The following FBXO10 variants were observed in gnomAD, a reference collection of about 807,000 sequenced individuals.
FBXO10 encodes the protein F-box only protein 10.
A neutral mutation model predicts 80.7 loss-of-function variants in FBXO10; 39 were observed. That is an observed-to-expected ratio of 0.48 (90% CI 0.37 to 0.63). The LOEUF is 0.63. FBXO10 is among the 30% of genes least tolerant of loss of function. FBXO10 has a pLI of 0.00. For missense variants in FBXO10, 1,025 were observed against 1,269.0 expected, an observed-to-expected ratio of 0.81 and a Z score of 2.92; for synonymous variants, 449 against 489.6, an observed-to-expected ratio of 0.92 and a Z score of 1.09.
Position 37,520,171 on chromosome 9 carries a change from C to T in FBXO10, c.2200+1398G>A, listed in dbSNP as rs147216730. On this transcript the variant is annotated intron_variant, in intron 8 of 10. Transcript: ENST00000432825. ...TCTGAATAAGCCTTCCTCCATTTCCCGACCCACCCATCCATCCTACCCTCC... is the reference window on the plus strand; with the variant it reads ...TCTGAATAAGCCTTCCTCCATTTCCTGACCCACCCATCCATCCTACCCTCC... Among the ~76,000 whole-genome samples the T allele has an allele frequency of 7.1e-3, 1,078 of 151,570 alleles. 11 individuals are homozygous for T. Among genetic ancestry groups the T allele is most frequent in the Middle Eastern group, 0.017 (5 of 292 alleles).
At chr9:37,573,500 T>C (rs1442039450) in intron 1 of FBXO10, among the ~76,000 whole-genome samples, 1 of 152,190 alleles carries the variant, frequency 6.6e-6, no homozygotes, top group African/African-American at 2.4e-5. Flanking sequence ...GTGGACTGTG[T>C]AGGACAGCTC....
intron 1 of FBXO10, among the ~76,000 whole-genome samples, chr9:37,550,473 C>T (rs534484295): frequency 1.4e-5 from 2 of 147,928 alleles, no homozygotes; most frequent in East Asian, 4.0e-4. Flanking sequence ...GCATGAGCCA[C>T]TGCACCTGGC....
intron 1 of FBXO10, among the ~76,000 whole-genome samples, chr9:37,560,061 C>G (rs1290602069): frequency 6.6e-6 from 1 of 152,174 alleles, no homozygotes; most frequent in Non-Finnish European, 1.5e-5. Flanking sequence ...GCTCGACCCT[C>G]TTTCACAAGT....
At chr9:37,554,157 G>A (rs1365760331) in intron 1 of FBXO10, among the ~76,000 whole-genome samples, 1 of 152,016 alleles carries the variant, frequency 6.6e-6, no homozygotes, top group Non-Finnish European at 1.5e-5. Flanking sequence ...CAGTAAAGAC[G>A]GTGAACAGTT....
At chr9:37,544,776 C>T (rs556946135) in intron 1 of FBXO10, among the ~76,000 whole-genome samples, 2 of 152,010 alleles carry the variant, frequency 1.3e-5, no homozygotes, top group South Asian at 2.1e-4. Context: ...GGGCGGATCA[C>T]GAGGTCAGGA....
At chr9:37,564,540 C>T (rs1822559025) in intron 1 of FBXO10, among the ~76,000 whole-genome samples, 1 of 152,236 alleles carries the variant, frequency 6.6e-6, no homozygotes, top group Non-Finnish European at 1.5e-5. Context: ...TCCTGCAAAG[C>T]CACAGGGGTG....
chr9:37,524,157 G>A (rs542625886), intron 6 of FBXO10, among the ~76,000 whole-genome samples: 1 of 152,250 alleles, frequency 6.6e-6, no homozygotes, highest in East Asian at 1.9e-4. Context: ...GCCCTACACG[G>A]AAGGTTCTTT....
chr9:37,545,035 G>C (rs1822021948), intron 1 of FBXO10, among the ~76,000 whole-genome samples: 1 of 150,632 alleles, frequency 6.6e-6, no homozygotes, highest in Non-Finnish European at 1.5e-5. Flanking sequence ...CTGGGCTCTG[G>C]ACTGTTAAGC....
At chr9:37,557,338 C>T (rs1042968182) in intron 1 of FBXO10, among the ~76,000 whole-genome samples, 3 of 152,200 alleles carry the variant, frequency 2.0e-5, no homozygotes, top group African/African-American at 4.8e-5. Context: ...TGAGCCTTAC[C>T]CCAGACCTCT....
intron 8 of FBXO10, 136 bp from the exon 9 acceptor site, chr9:37,518,574 A>G: frequency 1.4e-6 from 1 of 711,574 alleles, no homozygotes; most frequent in South Asian, 2.1e-5. Flanking sequence ...CTCAGAAACA[A>G]CCCTTGAGTT....
intron 1 of FBXO10, among the ~76,000 whole-genome samples, chr9:37,554,567 C>T (rs1025535010): frequency 3.9e-5 from 6 of 152,120 alleles, no homozygotes; most frequent in Non-Finnish European, 8.8e-5. Context: ...CAAGTTCCAC[C>T]CCCGACCCCA....
intron 6 of FBXO10, 26 bp from the exon 7 acceptor site, chr9:37,523,003 T>C (rs751384570): frequency 2.3e-5 from 37 of 1,578,230 alleles, no homozygotes; most frequent in Middle Eastern, 3.3e-4. Flanking sequence ...GAAAAGAAGG[T>C]CAGTACCCAA....
chr9:37,565,827 T>A (rs528435131), intron 1 of FBXO10, among the ~76,000 whole-genome samples: 14 of 152,126 alleles, frequency 9.2e-5, no homozygotes, highest in African/African-American at 3.1e-4. Flanking sequence ...GACTCTGAAA[T>A]TTGCATAGGA....
intron 7 of FBXO10, 36 bp downstream of exon 7, chr9:37,522,789 C>T: frequency 6.5e-7 from 1 of 1,550,006 alleles, no homozygotes; most frequent in East Asian, 2.4e-5. Context: ...CCTGGGCTTC[C>T]TGCCTCCCCG....
At chr9:37,558,394 G>A (rs778473339) in intron 1 of FBXO10, among the ~76,000 whole-genome samples, 3 of 152,080 alleles carry the variant, frequency 2.0e-5, no homozygotes, top group Non-Finnish European at 4.4e-5. Flanking sequence ...TTCTCAACTC[G>A]AGCCTAGTTT....
In FBXO10 at chr9:37,573,274, G is replaced by A. The variant is rs117991158; in HGVS notation, c.-7+2937C>T. The stretch of plus-strand genomic sequence containing the variant: ...CCATGACCAAGGTTGCTAGCAGGAA[G>A]GGCCCCAAATGCCCTAAAAGAGAAC... On this transcript the variant is annotated intron_variant, in intron 1 of 10. Coordinates refer to ENST00000432825, the MANE Select transcript of FBXO10 (RefSeq NM_012166.3). Among the ~76,000 whole-genome samples, 311 of 152,294 alleles carry A rather than the reference G, an allele frequency of 2.0e-3. 3 individuals carry two copies. Among genetic ancestry groups the A allele is most frequent in the Admixed American group, 9.1e-3 (139 of 15,286 alleles).
chr9:37,544,315 C>T (rs1309424730), intron 1 of FBXO10, among the ~76,000 whole-genome samples: 1 of 152,000 alleles, frequency 6.6e-6, no homozygotes, highest in Non-Finnish European at 1.5e-5. Context: ...CACCTGTAAT[C>T]TCAGCTACTC....
At chr9:37,541,042 T>C (rs1821898281) in intron 2 of FBXO10, 142 bp downstream of exon 2, 1 of 670,744 alleles carries the variant, frequency 1.5e-6, no homozygotes, top group South Asian at 2.0e-5. Flanking sequence ...GTTTCTCAAC[T>C]GGTTCAGCAC....
At chr9:37,573,048 G>A (rs1356749915) in intron 1 of FBXO10, among the ~76,000 whole-genome samples, 4 of 152,196 alleles carry the variant, frequency 2.6e-5, no homozygotes, top group Admixed American at 2.0e-4. Flanking sequence ...AAAGTAAGGT[G>A]AGTAGGCACC....
Sources: gnomAD v4.1 joint callset for allele counts (sites outside exome capture counted in the v4.1 genomes callset) on GRCh38, gnomAD v4.1.1 for gene constraint, MANE v1.5 for transcripts, NCBI Gene and HGNC (gene_info 2026-07-23, HGNC 2026-07-21) for gene names.